XYLT1: variants seen among roughly 807,000 people sequenced by gnomAD.
XYLT1 encodes the protein xylosyltransferase 1.
XYLT1 carries 36 observed loss-of-function variants against 91.3 expected under a neutral mutation model. The ratio of observed to expected loss-of-function variants is 0.39; its 90% CI spans 0.30 to 0.52. The LOEUF (loss-of-function observed/expected upper bound fraction) is 0.52. Among genes scored for constraint, XYLT1 ranks in the 20% least tolerant of loss-of-function variants. XYLT1 has a pLI of 0.68. For synonymous variants in XYLT1, 588 were observed against 532.0 expected (o/e 1.11, Z -1.45); for missense variants, 1,242 against 1,284.5 (o/e 0.97, Z 0.51).
intron 2 of XYLT1, among the ~76,000 whole-genome samples, chr16:17,340,832 C>T (rs1222906328): frequency 2.0e-5 from 3 of 152,162 alleles, no homozygotes; most frequent in Admixed American, 2.0e-4. Context: ...TCATTTCCTC[C>T]AAGGAGGCAG....
intron 6 of XYLT1, among the ~76,000 whole-genome samples, chr16:17,152,026 T>C (rs2031295857): frequency 6.6e-6 from 1 of 152,230 alleles, no homozygotes; most frequent in Non-Finnish European, 1.5e-5. Flanking sequence ...TGAGGGCTAA[T>C]TGGTTTTCCA....
chr16:17,470,897 C>G lies in XYLT1; in HGVS notation c.-101G>C, dbSNP rs901506446. 1.0e-5 allele frequency: 8 copies of G among 785,544 alleles called. No individual in the cohort carries two copies. The highest frequency in any genetic ancestry group is 2.1e-3 in the Admixed American group (2 of 944). 48.7% of individuals were successfully genotyped at this position (785,544 alleles called of 1,614,324 possible). A position where few individuals can be genotyped will look rare whatever the true frequency, so the allele number is the denominator to read the frequency against. On this transcript the variant is annotated 5_prime_UTR_variant, in exon 1 of 12. Coordinates refer to ENST00000261381, the MANE Select transcript of XYLT1 (RefSeq NM_022166.4). Reference sequence around the variant, plus strand: ...CCGCGGCCGCCGGCTGCCGCTCGGGCTCCCGCTCGGGCCGCCGCCGCCGCC... The same window carrying G: ...CCGCGGCCGCCGGCTGCCGCTCGGGGTCCCGCTCGGGCCGCCGCCGCCGCC...
rs749735691 is a variant in XYLT1, at chr16:17,351,196, T to C, written c.402+6816A>G. Reference sequence around the variant, plus strand: ...CATTGTGTACCCAGAGTCAGTCATGTCAATGCAGGTCTGGACACATTAGAA... The same window carrying C: ...CATTGTGTACCCAGAGTCAGTCATGCCAATGCAGGTCTGGACACATTAGAA... On this transcript the variant is annotated intron_variant, in intron 2 of 11. Transcript: ENST00000261381. 1.4e-4 allele frequency among the ~76,000 whole-genome samples: 21 copies of C among 152,114 alleles called. 1 individual carries two copies. The highest frequency in any genetic ancestry group is 6.6e-5 in the Admixed American group (1 of 15,264).
At chr16:17,462,764 G>A (rs1488737986) in intron 1 of XYLT1, among the ~76,000 whole-genome samples, 1 of 152,068 alleles carries the variant, frequency 6.6e-6, no homozygotes, top group East Asian at 1.9e-4. Flanking sequence ...CTTCTCCCTT[G>A]GTTAGAGAGA....
chr16:17,262,176 G>T (rs2033732707), intron 2 of XYLT1, among the ~76,000 whole-genome samples: 1 of 152,164 alleles, frequency 6.6e-6, no homozygotes, highest in Non-Finnish European at 1.5e-5. Flanking sequence ...AGAACGAGGA[G>T]CCAACGCTTG....
intron 6 of XYLT1, among the ~76,000 whole-genome samples, chr16:17,151,477 C>T (rs1223973643): frequency 6.6e-6 from 1 of 152,134 alleles, no homozygotes; most frequent in Non-Finnish European, 1.5e-5. Flanking sequence ...TCAAGTCTGT[C>T]TCGCCACCTA....
chr16:17,427,076 A>G (rs1245590431), intron 1 of XYLT1, among the ~76,000 whole-genome samples: 2 of 152,206 alleles, frequency 1.3e-5, no homozygotes, highest in Non-Finnish European at 2.9e-5. Context: ...TGTGATGGGG[A>G]ATCTCACAAG....
At chr16:17,379,763 T>TTTCTCACACACACACACACA (rs1555501170) in intron 1 of XYLT1, among the ~76,000 whole-genome samples, 2 of 125,546 alleles carry the variant, frequency 1.6e-5, no homozygotes, top group African/African-American at 6.3e-5. Context: ...TCTCTCTCTC[T>TTTCTCACACACACACACACA]CACACACACA....
intron 11 of XYLT1, 89 bp downstream of exon 11, chr16:17,117,557 G>T: frequency 1.4e-6 from 2 of 1,400,318 alleles, no homozygotes; most frequent in Non-Finnish European, 1.9e-6. Flanking sequence ...CTTACCCTAT[G>T]TCTGAGCAGT....
chr16:17,232,256 AATT>A (rs1490509377), intron 3 of XYLT1, among the ~76,000 whole-genome samples: 18 of 142,624 alleles, frequency 1.3e-4, no homozygotes, highest in Non-Finnish European at 2.4e-4. Context: ...TATTATATAT[AATT>A]ATTATTATAA....
intron 1 of XYLT1, among the ~76,000 whole-genome samples, chr16:17,375,312 A>G (rs1225234448): frequency 6.6e-6 from 1 of 152,070 alleles, no homozygotes; most frequent in African/African-American, 2.4e-5. Flanking sequence ...GGAAAATTCA[A>G]AGCTAAGATT....
chr16:17,346,994 C>A (rs746868445), intron 2 of XYLT1, among the ~76,000 whole-genome samples: 1 of 152,150 alleles, frequency 6.6e-6, no homozygotes, highest in Non-Finnish European at 1.5e-5. Flanking sequence ...CAGTTGAAGG[C>A]AGCGGGGAAG....
At chr16:17,348,948 T>C (rs2035182589) in intron 2 of XYLT1, among the ~76,000 whole-genome samples, 1 of 152,254 alleles carries the variant, frequency 6.6e-6, no homozygotes, top group South Asian at 2.1e-4. Context: ...TCGCTGAGCC[T>C]CCGGCTCGTA....
Position 17,259,430 on chromosome 16 carries a change from G to C in XYLT1, c.471C>G (p.Pro157=). Residue 157 remains proline (P), a synonymous_variant, in exon 3 of 12, where the codon CCC becomes CCG. Transcript: ENST00000261381. ...RTDSNNENSV[P]KDFENVDNSN... ...TGTTGTCGACATTCTCAAAGTCTTT[G>C]GGGACAGAGTTCTCGTTGTTGCTGT... The C allele has an allele frequency of 6.2e-7, 1 of 1,613,946 alleles. No individual in the cohort carries two copies. The highest frequency in any genetic ancestry group is 8.5e-7 in the Non-Finnish European group (1 of 1,180,026).
intron 5 of XYLT1, among the ~76,000 whole-genome samples, chr16:17,189,642 G>C (rs1416938166): frequency 6.6e-6 from 1 of 152,212 alleles, no homozygotes; most frequent in Non-Finnish European, 1.5e-5. Flanking sequence ...GCCATAAAAA[G>C]GAATGAAGTG....
intron 6 of XYLT1, among the ~76,000 whole-genome samples, chr16:17,151,134 C>T (rs2031272710): frequency 6.6e-6 from 1 of 152,142 alleles, no homozygotes; most frequent in Non-Finnish European, 1.5e-5. Context: ...GGTTAAGCAC[C>T]CTGACTTCAG....
intron 1 of XYLT1, among the ~76,000 whole-genome samples, chr16:17,391,080 C>T (rs1333457031): frequency 6.6e-6 from 1 of 152,090 alleles, no homozygotes; most frequent in African/African-American, 2.4e-5. Flanking sequence ...AACCTGAATT[C>T]TGCTAGTGTA....
At chr16:17,251,948 G>A (rs2033547364) in intron 3 of XYLT1, among the ~76,000 whole-genome samples, 1 of 151,970 alleles carries the variant, frequency 6.6e-6, no homozygotes, top group Non-Finnish European at 1.5e-5. Flanking sequence ...AGGGGGCTGG[G>A]GAGGACTGGA....
intron 1 of XYLT1, among the ~76,000 whole-genome samples, chr16:17,363,956 G>C (rs2035415040): frequency 6.6e-6 from 1 of 152,218 alleles, no homozygotes; most frequent in South Asian, 2.1e-4. Flanking sequence ...TGGGATTAAA[G>C]GCATGAGCCA....
Sources: allele counts gnomAD v4.1 joint callset (sites outside exome capture counted in the v4.1 genomes callset), GRCh38; gene constraint gnomAD v4.1.1; transcripts MANE v1.5; gene names NCBI Gene and HGNC (gene_info 2026-07-23, HGNC 2026-07-21).